LGALS14: variants seen among roughly 807,000 people sequenced by gnomAD.
LGALS14 encodes the protein galectin 14, also known as placental protein 13-like.
A neutral mutation model predicts 14.6 loss-of-function variants in LGALS14; 14 were observed. The ratio of observed to expected loss-of-function variants is 0.96; its 90% CI spans 0.64 to 1.50. The LOEUF (loss-of-function observed/expected upper bound fraction) is 1.50. LGALS14 is among the 40% of genes most tolerant of loss of function. LGALS14 has a pLI of 0.00. For synonymous variants in LGALS14, 57 were observed against 63.9 expected (o/e 0.89, Z 0.51); for missense variants, 180 against 172.0 (o/e 1.05, Z -0.26).
intron 1 of LGALS14, chr19:39,705,951 G>A (rs1257295088): frequency 6.2e-7 from 1 of 1,613,940 alleles, no homozygotes; most frequent in Non-Finnish European, 8.5e-7. Context: ...TACTGGGGCT[G>A]TGCTGTCAGT....
At chr19:39,706,061 T>A (rs1157016412) in intron 1 of LGALS14, 1 of 1,606,252 alleles carries the variant, frequency 6.2e-7, no homozygotes, top group Admixed American at 1.7e-5. Flanking sequence ...TCATTTCCCT[T>A]TCTCTTTCAA....
chr19:39,708,416 T>A (rs1189888804), intron 3 of LGALS14, among the ~76,000 whole-genome samples: 1 of 152,178 alleles, frequency 6.6e-6, no homozygotes, highest in Non-Finnish European at 1.5e-5. Context: ...GTCAATCCTC[T>A]TGTCATTACT....
intron 1 of LGALS14, among the ~76,000 whole-genome samples, chr19:39,704,815 G>C (rs1973691572): frequency 6.6e-6 from 1 of 152,126 alleles, no homozygotes; most frequent in Non-Finnish European, 1.5e-5. Context: ...TAGGTGGGAG[G>C]TGGATGACCC....
intron 3 of LGALS14, among the ~76,000 whole-genome samples, chr19:39,707,753 A>G (rs1042741347): frequency 3.3e-5 from 5 of 152,158 alleles, no homozygotes; most frequent in African/African-American, 4.8e-5. Flanking sequence ...TTTGGGCCCA[A>G]TTCTACTCAT....
chr19:39,708,846 G>A (rs1455352882), intron 3 of LGALS14, among the ~76,000 whole-genome samples: 4 of 152,144 alleles, frequency 2.6e-5, no homozygotes, highest in Admixed American at 1.3e-4. Context: ...ACATGGCCTC[G>A]CACTAACCCT....
chr19:39,706,730 A>G (rs374122636), intron 2 of LGALS14, 57 bp downstream of exon 2: 2 of 1,411,278 alleles, frequency 1.4e-6, no homozygotes, highest in South Asian at 1.2e-5. Context: ...AATATTTGCT[A>G]AGGGTTTAAC....
intron 3 of LGALS14, among the ~76,000 whole-genome samples, chr19:39,708,041 C>T (rs910342816): frequency 7.9e-5 from 12 of 152,294 alleles, no homozygotes; most frequent in African/African-American, 2.6e-4. Flanking sequence ...AACTCCCGAC[C>T]TTGTGTGATT....
intron 3 of LGALS14, among the ~76,000 whole-genome samples, chr19:39,708,687 A>C (rs992934154): frequency 2.6e-5 from 4 of 152,200 alleles, no homozygotes; most frequent in Non-Finnish European, 4.4e-5. Flanking sequence ...TATGTTTTAC[A>C]AGACCTGTCC....
intron 3 of LGALS14, among the ~76,000 whole-genome samples, chr19:39,708,380 C>A (rs985658701): frequency 2.0e-5 from 3 of 152,082 alleles, no homozygotes; most frequent in African/African-American, 7.2e-5. Flanking sequence ...TTTGCTCTCA[C>A]AAATGATGCC....
chr19:39,706,596 G>A lies in LGALS14; in HGVS notation c.16-1G>A. The A allele has an allele frequency of 1.2e-6, 2 of 1,612,880 alleles. No homozygotes were observed. The highest frequency in any genetic ancestry group is 1.7e-6 in the Non-Finnish European group (2 of 1,178,900). On this transcript the variant is annotated splice_acceptor_variant, in intron 1 of 3. Coordinates refer to ENST00000392052, the MANE Select transcript of LGALS14 (RefSeq NM_020129.3). LOFTEE classifies it high-confidence loss of function. ...CTCACTCACTCTCCATACCCTGGCA[G>A]GTACCATACACACTGCCTGTTTCCT...
At chr19:39,706,574 A>G in intron 1 of LGALS14, 23 bp from the exon 2 acceptor site, 1 of 1,593,012 alleles carries the variant, frequency 6.3e-7, no homozygotes, top group Non-Finnish European at 8.6e-7. Context: ...TTTAGCTCTC[A>G]CTCACTCTCC....
Position 39,706,793 on chromosome 19 carries a change from C to A in LGALS14, c.92+120C>A. On this transcript the variant is annotated intron_variant, in intron 2 of 3. Coordinates refer to ENST00000392052, the MANE Select transcript of LGALS14 (RefSeq NM_020129.3). ...TAGTTGGCATAATGAAGGCCTCATGCAAGTGCAGGCCCTGGAGACCTTCCA... is the reference window on the plus strand; with the variant it reads ...TAGTTGGCATAATGAAGGCCTCATGAAAGTGCAGGCCCTGGAGACCTTCCA... 3 of 850,762 alleles carry A rather than the reference C, an allele frequency of 3.5e-6. 1 individual carries two copies. Among genetic ancestry groups the A allele is most frequent in the Non-Finnish European group, 6.0e-6 (3 of 503,480 alleles). 52.7% of individuals were successfully genotyped at this position (850,762 alleles called of 1,614,324 possible). A position where few individuals can be genotyped will look rare whatever the true frequency, so the allele number is the denominator to read the frequency against.
rs1973718164 is a variant in LGALS14, at chr19:39,706,626, T to C, written c.45T>C (p.Pro15=). 1 of 1,613,910 alleles carries C rather than the reference T, an allele frequency of 6.2e-7. No individual in the cohort carries two copies. Among genetic ancestry groups the C allele is most frequent in the Non-Finnish European group, 8.5e-7 (1 of 1,179,906 alleles). ...CATACACACTGCCTGTTTCCTTGCCTGTTGGTTCGTGCGTGATAATCACAG... is the reference window on the plus strand; with the variant it reads ...CATACACACTGCCTGTTTCCTTGCCCGTTGGTTCGTGCGTGATAATCACAG... ...PVPYTLPVSL[P]VGSCVIITGT... Residue 15 remains proline (P), a synonymous_variant, in exon 2 of 4, where the codon CCT becomes CCC. Coordinates refer to ENST00000392052, the MANE Select transcript of LGALS14 (RefSeq NM_020129.3).
At chr19:39,708,938 G>A (rs1973757455) in intron 3 of LGALS14, among the ~76,000 whole-genome samples, 1 of 152,210 alleles carries the variant, frequency 6.6e-6, no homozygotes, top group Non-Finnish European at 1.5e-5. Flanking sequence ...GGTTGGAAGG[G>A]AGGCCGAGTA....
intron 1 of LGALS14, chr19:39,706,088 C>T: frequency 6.4e-7 from 1 of 1,571,684 alleles, no homozygotes. Context: ...TTGTTTCTCA[C>T]TGGAGTGAAT....
rs946103544 is a variant in LGALS14 at position 39,706,588 on chromosome 19, C to A, written c.16-9C>A. ...CTTTAGCTCTCACTCACTCTCCATA[C>A]CCTGGCAGGTACCATACACACTGCC... On this transcript the variant is annotated splice_polypyrimidine_tract_variant and intron_variant, in intron 1 of 3. Transcript: ENST00000392052. 4 of 1,610,984 alleles carry A rather than the reference C, an allele frequency of 2.5e-6. No homozygotes were observed. In the Admixed American group the frequency reaches 5.0e-5, roughly 20 times the overall value.
At chr19:39,704,576 C>T (rs754202686) in intron 1 of LGALS14, 33 bp downstream of exon 1, 2 of 1,610,292 alleles carry the variant, frequency 1.2e-6, no homozygotes, top group South Asian at 1.1e-5. Context: ...TCAATAATCT[C>T]AAGTCACATA....
intron 1 of LGALS14, 65 bp downstream of exon 1, chr19:39,704,608 G>A: frequency 2.0e-6 from 3 of 1,522,010 alleles, no homozygotes; most frequent in Non-Finnish European, 2.7e-6. Context: ...AAACAGGGGA[G>A]GTTTTCTGAG....
At chr19:39,705,729 C>A in intron 1 of LGALS14, 1 of 609,016 alleles carries the variant, frequency 1.6e-6, no homozygotes, top group Non-Finnish European at 2.8e-6. Context: ...TTCACCCCAG[C>A]TACACAAGAG....
Sources: allele counts gnomAD v4.1 joint callset (sites outside exome capture counted in the v4.1 genomes callset), GRCh38; gene constraint gnomAD v4.1.1; transcripts MANE v1.5; gene names NCBI Gene and HGNC (gene_info 2026-07-23, HGNC 2026-07-21).